Variants in FOXN3 observed in about 807,000 individuals in gnomAD.
The protein encoded by FOXN3 is forkhead box N3.
In FOXN3, 7 loss-of-function variants were observed where a neutral mutation model predicts 38.4. The observed-to-expected ratio is 0.18, with a 90% CI of 0.10 to 0.34. The LOEUF is 0.34. FOXN3 is among the 10% of genes least tolerant of loss of function. The pLI is 1.00. For synonymous variants in FOXN3, 230 were observed against 242.2 expected (o/e 0.95, Z 0.47); for missense variants, 456 against 613.4 (o/e 0.74, Z 2.71).
intron 4 of FOXN3, among the ~76,000 whole-genome samples, chr14:89,267,310 C>T (rs1459739973): frequency 2.0e-5 from 3 of 152,152 alleles, no homozygotes; most frequent in Non-Finnish European, 4.4e-5. Context: ...CACTGCATCA[C>T]GTGATTACAA....
At chr14:89,360,752 C>CACCACCACCACT (rs1566966400) in intron 2 of FOXN3, among the ~76,000 whole-genome samples, 1 of 119,878 alleles carries the variant, frequency 8.3e-6, no homozygotes, top group Non-Finnish European at 1.7e-5. Flanking sequence ...CCACCTCCAC[C>CACCACCACCACT]ACCACCTCCA....
At chr14:89,456,211 A>C (rs925182845) in intron 1 of FOXN3, among the ~76,000 whole-genome samples, 1 of 151,318 alleles carries the variant, frequency 6.6e-6, no homozygotes, top group Non-Finnish European at 1.5e-5. Flanking sequence ...AAAAAAAAAA[A>C]AAACTAACCA....
At chr14:89,536,642 G>A (rs565970547) in intron 1 of FOXN3, among the ~76,000 whole-genome samples, 1 of 152,250 alleles carries the variant, frequency 6.6e-6, no homozygotes, top group Admixed American at 6.5e-5. Context: ...TTATTGTATT[G>A]TGGTGCATGC....
intron 2 of FOXN3, among the ~76,000 whole-genome samples, chr14:89,369,039 T>C (rs1190147052): frequency 4.6e-5 from 7 of 152,054 alleles, no homozygotes; most frequent in Non-Finnish European, 8.8e-5. Flanking sequence ...GAGCTGGGCC[T>C]CAGGAAAGAC....
intron 4 of FOXN3, among the ~76,000 whole-genome samples, chr14:89,270,025 C>G (rs1596143863): frequency 6.6e-6 from 1 of 152,216 alleles, no homozygotes. Context: ...TGTGCTAAGG[C>G]AGAACGGACC....
intron 4 of FOXN3, among the ~76,000 whole-genome samples, chr14:89,199,586 A>G (rs1239526799): frequency 1.3e-5 from 2 of 152,070 alleles, no homozygotes; most frequent in African/African-American, 2.4e-5. Context: ...ACTCGGGGGG[A>G]AAGGGGAAAG....
rs1887041813 is a variant in FOXN3 at position 89,159,127 on chromosome 14, TGGA to T, written c.*3284_*3286del. ...TTGTGCTTAAATTCTCTACTGCTCTTGGAGGAGGGGATAAGAGAGGGTGCCTCC... is the reference window on the plus strand; with the variant it reads ...TTGTGCTTAAATTCTCTACTGCTCTTGGAGGGGATAAGAGAGGGTGCCTCC... On this transcript the variant is annotated 3_prime_UTR_variant, in exon 6 of 6. Transcript: ENST00000557258. 1 of 152,660 alleles carries T rather than the reference TGGA, an allele frequency of 6.6e-6. No homozygotes were observed. 9.5% of individuals were successfully genotyped at this position (152,660 alleles called of 1,614,324 possible).
At chr14:89,318,376 C>T (rs1013666040) in intron 3 of FOXN3, among the ~76,000 whole-genome samples, 3 of 152,082 alleles carry the variant, frequency 2.0e-5, no homozygotes, top group Non-Finnish European at 4.4e-5. Flanking sequence ...CCAGGCTGGT[C>T]TCAAACTCCC....
At chr14:89,588,494 T>C (rs941971022) in intron 1 of FOXN3, among the ~76,000 whole-genome samples, 3 of 152,132 alleles carry the variant, frequency 2.0e-5, no homozygotes, top group South Asian at 4.1e-4. Flanking sequence ...CACCGCCCGA[T>C]AGCACCAAGA....
rs142426215 is a variant in FOXN3, at chr14:89,446,131, C to T, written c.-14-33641G>A. Among the ~76,000 whole-genome samples, 681 of 117,592 alleles carry T rather than the reference C, an allele frequency of 5.8e-3. 8 individuals are homozygous for T. The highest frequency in any genetic ancestry group is 0.018 in the Middle Eastern group (3 of 166). 77.1% of individuals were successfully genotyped at this position (117,592 alleles called of 152,430 possible). On this transcript the variant is annotated intron_variant, in intron 1 of 6. Transcript: ENST00000345097. ...AAAAAATTTTAAGGAAGAGTTGGGT[C>T]TAGAACCCAGGTCTGATTCCTTCTT...
At chr14:89,478,450 C>G (rs2139756276) in intron 1 of FOXN3, among the ~76,000 whole-genome samples, 1 of 152,220 alleles carries the variant, frequency 6.6e-6, no homozygotes, top group South Asian at 2.1e-4. Flanking sequence ...TTTCAGTACA[C>G]AAAAACAACT....
At chr14:89,363,987 T>TATATATATATATATATATATAA (rs1890041958) in intron 2 of FOXN3, among the ~76,000 whole-genome samples, 1 of 67,170 alleles carries the variant, frequency 1.5e-5, no homozygotes, top group African/African-American at 7.7e-5. Context: ...TATATATATA[T>TATATATATATATATATATATAA]AATATATATA....
At chr14:89,614,026 C>T (rs570593573) in intron 1 of FOXN3, among the ~76,000 whole-genome samples, 6 of 152,222 alleles carry the variant, frequency 3.9e-5, no homozygotes, top group East Asian at 3.9e-4. Flanking sequence ...AAACTGAGCC[C>T]GATCTCAATA....
At chr14:89,539,717 A>T (rs1296278891) in intron 1 of FOXN3, among the ~76,000 whole-genome samples, 1 of 152,204 alleles carries the variant, frequency 6.6e-6, no homozygotes, top group Non-Finnish European at 1.5e-5. Flanking sequence ...CAAATCATCC[A>T]GCAGAGTACT....
intron 4 of FOXN3, among the ~76,000 whole-genome samples, chr14:89,233,991 T>C (rs1475343922): frequency 6.6e-6 from 1 of 152,114 alleles, no homozygotes; most frequent in Non-Finnish European, 1.5e-5. Context: ...ACCAGGTCAC[T>C]CTGTCCCTCG....
At chr14:89,321,737 T>C (rs1040573503) in intron 3 of FOXN3, among the ~76,000 whole-genome samples, 1 of 152,148 alleles carries the variant, frequency 6.6e-6, no homozygotes, top group Admixed American at 6.5e-5. Flanking sequence ...TTTGTTTGTT[T>C]AGAGTACTTG....
intron 1 of FOXN3, among the ~76,000 whole-genome samples, chr14:89,556,031 T>TC (rs1566698533): frequency 6.6e-6 from 1 of 152,156 alleles, no homozygotes; most frequent in Non-Finnish European, 1.5e-5. Context: ...TGGCCAGTTT[T>TC]CATCATGTAA....
At chr14:89,532,157 G>A (rs1436218261) in intron 1 of FOXN3, among the ~76,000 whole-genome samples, 1 of 152,170 alleles carries the variant, frequency 6.6e-6, no homozygotes, top group Non-Finnish European at 1.5e-5. Context: ...TGATAGCCAA[G>A]AAGCACTAGC....
At chr14:89,406,636 A>C (rs751551761) in intron 2 of FOXN3, among the ~76,000 whole-genome samples, 2 of 152,192 alleles carry the variant, frequency 1.3e-5, no homozygotes, top group Non-Finnish European at 2.9e-5. Context: ...GAAAGCACAA[A>C]GCAAGCATGC....
Sources: gnomAD v4.1 joint callset for allele counts (sites outside exome capture counted in the v4.1 genomes callset) on GRCh38, gnomAD v4.1.1 for gene constraint, MANE v1.5 for transcripts, NCBI Gene and HGNC (gene_info 2026-07-23, HGNC 2026-07-21) for gene names.